The following LDAH variants were observed in gnomAD, a reference collection of about 807,000 sequenced individuals.
LDAH encodes lipid droplet associated hydrolase.
In LDAH, 26 loss-of-function variants were observed where a neutral mutation model predicts 29.6. That is an observed-to-expected ratio of 0.88 (90% confidence interval 0.64 to 1.22). LDAH has a LOEUF of 1.22. Ranked by LOEUF, LDAH falls within the 50% of genes most tolerant of loss-of-function variation. The pLI is 0.00. For missense variants in LDAH, 344 were observed against 387.3 expected, an observed-to-expected ratio of 0.89 and a Z score of 0.94; for synonymous variants, 117 against 133.0, an observed-to-expected ratio of 0.88 and a Z score of 0.83.
In LDAH at chr2:20,686,364, G is replaced by C. The variant is rs913062802; in HGVS notation, c.*539C>G. ...CTCAGCCAAGATCTGTGCTAAGTTA[G>C]CCTGGGCTCATCTTCATCTTCTGTC... On this transcript the variant is annotated 3_prime_UTR_variant, in exon 7 of 7. Coordinates refer to ENST00000237822, the MANE Select transcript of LDAH (RefSeq NM_021925.4). 1 of 152,898 alleles carries C rather than the reference G, an allele frequency of 6.5e-6. No individual in the cohort carries two copies. Among genetic ancestry groups the C allele is most frequent in the Non-Finnish European group, 1.5e-5 (1 of 68,620 alleles). The allele number at this position is 152,898 out of a possible 1,614,324, so 9.5% of individuals were successfully genotyped here.
At chr2:20,718,547 G>A (rs1165114307) in intron 5 of LDAH, among the ~76,000 whole-genome samples, 2 of 152,132 alleles carry the variant, frequency 1.3e-5, no homozygotes, top group African/African-American at 4.8e-5. Flanking sequence ...GGGAGAGGTA[G>A]ACTGCAATAC....
At chr2:20,735,401 G>T (rs1572507568) in intron 5 of LDAH, among the ~76,000 whole-genome samples, 2 of 149,998 alleles carry the variant, frequency 1.3e-5, no homozygotes, top group East Asian at 3.9e-4. Context: ...TCATTTTATT[G>T]TTGGTTCCAT....
In LDAH at chr2:20,686,705, G is replaced by C; in HGVS notation, c.*198C>G. ...GTTCCCTGAGTCTTGGAAAATGTATGGTTAAACCTATGGAATGATTCATCA... is the reference window on the plus strand; with the variant it reads ...GTTCCCTGAGTCTTGGAAAATGTATCGTTAAACCTATGGAATGATTCATCA... On this transcript the variant is annotated 3_prime_UTR_variant, in exon 7 of 7. Transcript: ENST00000237822. The C allele has an allele frequency of 4.0e-6, 2 of 500,070 alleles. No individual in the cohort carries two copies. Among genetic ancestry groups the C allele is most frequent in the Non-Finnish European group, 3.5e-6 (1 of 283,752 alleles). The allele number at this position is 500,070 out of a possible 1,614,324, so 31.0% of individuals were successfully genotyped here. A position where few individuals can be genotyped will look rare whatever the true frequency, so the allele number is the denominator to read the frequency against.
intron 3 of LDAH, among the ~76,000 whole-genome samples, chr2:20,783,032 T>C (rs1318986588): frequency 6.6e-6 from 1 of 152,234 alleles, no homozygotes; most frequent in Non-Finnish European, 1.5e-5. Context: ...ACTTTTATTT[T>C]GCTCAAAGTA....
intron 1 of LDAH, among the ~76,000 whole-genome samples, chr2:20,802,373 T>A (rs1226089453): frequency 5.3e-5 from 8 of 152,146 alleles, no homozygotes; most frequent in Non-Finnish European, 1.0e-4. Flanking sequence ...ATAAGCATAT[T>A]TTATGTATTA....
intron 4 of LDAH, among the ~76,000 whole-genome samples, chr2:20,752,161 G>A (rs1443700105): frequency 6.6e-6 from 1 of 151,764 alleles, no homozygotes; most frequent in Non-Finnish European, 1.5e-5. Flanking sequence ...CAAAGTGCTA[G>A]GATTACGGGG....
chr2:20,694,160 C>T (rs1663247658), intron 6 of LDAH, among the ~76,000 whole-genome samples: 1 of 4,168 alleles, frequency 2.4e-4, no homozygotes, highest in Non-Finnish European at 3.6e-4. Flanking sequence ...CCAGCTAGGG[C>T]CCCTACCCTG....
At chr2:20,726,711 C>A (rs1230900837) in intron 5 of LDAH, among the ~76,000 whole-genome samples, 1 of 152,152 alleles carries the variant, frequency 6.6e-6, no homozygotes. Flanking sequence ...TCGTAGTCAA[C>A]ATAGTTTATT....
intron 5 of LDAH, among the ~76,000 whole-genome samples, chr2:20,718,940 G>T (rs1442371377): frequency 1.3e-5 from 2 of 151,908 alleles, no homozygotes; most frequent in African/African-American, 4.8e-5. Flanking sequence ...AATTATGAGA[G>T]AAATTTTTTA....
intron 1 of LDAH, among the ~76,000 whole-genome samples, chr2:20,815,098 A>C (rs1672760161): frequency 6.6e-6 from 1 of 152,208 alleles, no homozygotes; most frequent in Non-Finnish European, 1.5e-5. Context: ...GAAATGTTTT[A>C]AAAAGTAAGA....
intron 4 of LDAH, among the ~76,000 whole-genome samples, chr2:20,765,967 A>G (rs570590175): frequency 5.8e-4 from 89 of 152,270 alleles, no homozygotes; most frequent in African/African-American, 2.0e-3. Flanking sequence ...TGACAAAAAA[A>G]TCTGTGGCCA....
chr2:20,760,887 G>A (rs148859429), intron 4 of LDAH, among the ~76,000 whole-genome samples: 1 of 152,300 alleles, frequency 6.6e-6, no homozygotes, highest in East Asian at 1.9e-4. Flanking sequence ...ATTACGTGTA[G>A]GAATGAACAT....
At chr2:20,811,622 C>A (rs577196390) in intron 1 of LDAH, among the ~76,000 whole-genome samples, 30 of 151,754 alleles carry the variant, frequency 2.0e-4, no homozygotes, top group African/African-American at 7.0e-4. Flanking sequence ...GTAGCTGGGA[C>A]GACAGGCGCC....
At position 20,823,079 on chromosome 2, in the gene LDAH, G is replaced by A. The variant is rs538079774; in HGVS notation, c.-45C>T. 2.0e-5 allele frequency: 3 copies of A among 152,442 alleles called. No individual in the cohort carries two copies. Among genetic ancestry groups the A allele is most frequent in the South Asian group, 4.1e-4 (2 of 4,828 alleles). The allele number at this position is 152,442 out of a possible 1,614,324, so 9.4% of individuals were successfully genotyped here. On this transcript the variant is annotated 5_prime_UTR_variant, in exon 1 of 7. Transcript: ENST00000237822. Reference sequence around the variant, plus strand: ...TGCCCGCTCTCCCTGAGGGTCCTGGGAAGGCGGCACGAGACCGGAAGTGCC... The same window carrying A: ...TGCCCGCTCTCCCTGAGGGTCCTGGAAAGGCGGCACGAGACCGGAAGTGCC...
intron 6 of LDAH, 113 bp from the exon 7 acceptor site, chr2:20,687,207 G>T: frequency 2.6e-6 from 2 of 767,648 alleles, no homozygotes; most frequent in Middle Eastern, 3.9e-4. Context: ...GACCCTGGGA[G>T]CTAGTCCCTA....
chr2:20,759,652 A>G (rs1489931745), intron 4 of LDAH, among the ~76,000 whole-genome samples: 2 of 152,174 alleles, frequency 1.3e-5, no homozygotes, highest in African/African-American at 4.8e-5. Flanking sequence ...AGAAGCTTCT[A>G]TCTGAACTAA....
At chr2:20,728,416 A>G (rs1237242933) in intron 5 of LDAH, among the ~76,000 whole-genome samples, 1 of 152,138 alleles carries the variant, frequency 6.6e-6, no homozygotes, top group South Asian at 2.1e-4. Flanking sequence ...TCTTTGTGTA[A>G]CCATGAAAAT....
At chr2:20,742,846 C>A (rs1667288066) in intron 4 of LDAH, among the ~76,000 whole-genome samples, 1 of 146,488 alleles carries the variant, frequency 6.8e-6, no homozygotes, top group Admixed American at 6.8e-5. Flanking sequence ...GCAGCCTTGA[C>A]CTCCCAGGCT....
rs188718675 is a variant in LDAH at position 20,704,431 on chromosome 2, T to C, written c.704-2779A>G. On this transcript the variant is annotated intron_variant, in intron 5 of 6. Coordinates refer to ENST00000237822, the MANE Select transcript of LDAH (RefSeq NM_021925.4). ...ACCAACTAAATTAAAGCAACAGAGA[T>C]TTGATTAATACATTATGGTCTATTC... Among the ~76,000 whole-genome samples the C allele has an allele frequency of 2.2e-3, 331 of 152,320 alleles. 1 individual carries two copies. The highest frequency in any genetic ancestry group is 3.2e-3 in the Non-Finnish European group (221 of 68,028).
Sources: allele counts gnomAD v4.1 joint callset (sites outside exome capture counted in the v4.1 genomes callset), GRCh38; gene constraint gnomAD v4.1.1; transcripts MANE v1.5; gene names NCBI Gene and HGNC (gene_info 2026-07-23, HGNC 2026-07-21).